The following BBS9 variants were observed in gnomAD, a reference collection of about 807,000 sequenced individuals.
The protein encoded by BBS9 is Bardet-Biedl syndrome 9.
Under a neutral mutation model 117.7 loss-of-function variants are expected in BBS9, and 89 were observed. That is an observed-to-expected ratio of 0.76 (90% confidence interval 0.64 to 0.90). The LOEUF is 0.90. Ranked by LOEUF, BBS9 falls within the 40% of genes least tolerant of loss-of-function variation. The pLI is 0.00. For synonymous variants in BBS9, 379 were observed against 370.9 expected (o/e 1.02, Z -0.25); for missense variants, 982 against 1,042.2 (o/e 0.94, Z 0.80).
At chr7:33,467,023 C>T (rs1037732382) in intron 19 of BBS9, among the ~76,000 whole-genome samples, 2 of 105,446 alleles carry the variant, frequency 1.9e-5, no homozygotes, top group South Asian at 6.5e-4. Flanking sequence ...CTCTCTCTCT[C>T]TCTCTCTCTT....
intron 19 of BBS9, among the ~76,000 whole-genome samples, chr7:33,406,899 G>C (rs1225817431): frequency 6.6e-6 from 1 of 152,152 alleles, no homozygotes; most frequent in African/African-American, 2.4e-5. Context: ...TGGTGAATCT[G>C]ACAATTATGT....
In BBS9 at chr7:33,473,022, T is replaced by G. The variant is rs1050601684; in HGVS notation, c.2116-32441T>G. Among the ~76,000 whole-genome samples the G allele has an allele frequency of 3.3e-5, 5 of 152,300 alleles. 1 individual carries two copies. The highest frequency in any genetic ancestry group is 4.1e-4 in the South Asian group (2 of 4,822). ...TACCTCAGGCCCTAAGTTGACCAGG[T>G]GGGCCCTGGATGGCCCTGCCGAGCT... On this transcript the variant is annotated intron_variant, in intron 19 of 22. Coordinates refer to ENST00000242067, the MANE Select transcript of BBS9 (RefSeq NM_198428.3).
At chr7:33,401,226 A>G (rs1828867064) in intron 19 of BBS9, among the ~76,000 whole-genome samples, 1 of 152,202 alleles carries the variant, frequency 6.6e-6, no homozygotes, top group South Asian at 2.1e-4. Flanking sequence ...CAGAAGCCAT[A>G]TTCTTGGAGA....
chr7:33,203,286 C>T (rs140850724), intron 5 of BBS9, among the ~76,000 whole-genome samples: 131 of 152,274 alleles, frequency 8.6e-4, no homozygotes, highest in African/African-American at 2.8e-3. Context: ...CCAGAATCAC[C>T]TGGGAGGCTT....
At chr7:33,383,457 C>A (rs535914583) in intron 17 of BBS9, among the ~76,000 whole-genome samples, 1 of 152,148 alleles carries the variant, frequency 6.6e-6, no homozygotes, top group Non-Finnish European at 1.5e-5. Flanking sequence ...CTGTGACCAC[C>A]TACCTTTGGA....
intron 19 of BBS9, among the ~76,000 whole-genome samples, chr7:33,456,723 T>C (rs1370351779): frequency 6.6e-6 from 1 of 152,202 alleles, no homozygotes; most frequent in Non-Finnish European, 1.5e-5. Context: ...GCCATGAATG[T>C]TGTAGGATGC....
intron 6 of BBS9, among the ~76,000 whole-genome samples, chr7:33,262,539 T>A (rs953683357): frequency 1.3e-5 from 2 of 152,176 alleles, no homozygotes; most frequent in Admixed American, 6.5e-5. Flanking sequence ...GAGGTCTAAT[T>A]ATTTTGCACT....
intron 20 of BBS9, among the ~76,000 whole-genome samples, chr7:33,524,638 C>T (rs1488592157): frequency 1.3e-5 from 2 of 152,098 alleles, no homozygotes; most frequent in African/African-American, 2.4e-5. Flanking sequence ...ATTCTTCTCT[C>T]TTTTTTTCTT....
intron 4 of BBS9, among the ~76,000 whole-genome samples, chr7:33,169,031 A>G (rs946350015): frequency 0.014 from 2,105 of 151,944 alleles, 52 homozygotes; most frequent in African/African-American, 0.048. Flanking sequence ...TCATTGTTCA[A>G]TTCCCACCTG....
chr7:33,465,165 A>G lies in BBS9; in HGVS notation c.2116-40298A>G, dbSNP rs147997116. On this transcript the variant is annotated intron_variant, in intron 19 of 22. Coordinates refer to ENST00000242067, the MANE Select transcript of BBS9 (RefSeq NM_198428.3). ...TTGTTTTGCAGCATGTAGAGATGGG[A>G]TCTGTGGTAATTCCTGTTAATTTTG... 5.6e-4 allele frequency among the ~76,000 whole-genome samples: 85 copies of G among 151,246 alleles called. 1 individual carries two copies. In the East Asian group the frequency reaches 0.017, roughly 29 times the overall value.
chr7:33,500,283 A>T (rs1845268569), intron 19 of BBS9, among the ~76,000 whole-genome samples: 1 of 152,226 alleles, frequency 6.6e-6, no homozygotes, highest in African/African-American at 2.4e-5. Context: ...AAATATCAAG[A>T]TGAAAATTCA....
chr7:33,258,254 G>A (rs993355586), intron 6 of BBS9, among the ~76,000 whole-genome samples: 1 of 152,136 alleles, frequency 6.6e-6, no homozygotes, highest in African/African-American at 2.4e-5. Context: ...CATCATCATG[G>A]CTTTTCAACA....
At chr7:33,622,292 A>G (rs1291968787) in intron 21 of BBS9, among the ~76,000 whole-genome samples, 1 of 152,206 alleles carries the variant, frequency 6.6e-6, no homozygotes, top group Non-Finnish European at 1.5e-5. Flanking sequence ...TCAGACTCAT[A>G]GAAGCAGAAA....
intron 6 of BBS9, among the ~76,000 whole-genome samples, chr7:33,257,764 T>C (rs573606852): frequency 6.6e-6 from 1 of 152,306 alleles, no homozygotes; most frequent in South Asian, 2.1e-4. Context: ...TCAATAATTA[T>C]TGTGATTGTT....
At chr7:33,632,486 G>A (rs556452311) in intron 21 of BBS9, among the ~76,000 whole-genome samples, 1 of 152,196 alleles carries the variant, frequency 6.6e-6, no homozygotes, top group African/African-American at 2.4e-5. Context: ...CTCCACCGGC[G>A]CCCTCGCCCC....
chr7:33,363,421 A>G (rs1477869704), intron 16 of BBS9, among the ~76,000 whole-genome samples: 1 of 152,170 alleles, frequency 6.6e-6, no homozygotes, highest in African/African-American at 2.4e-5. Context: ...ATTTTCTTAT[A>G]TCAATCTTGT....
intron 21 of BBS9, among the ~76,000 whole-genome samples, chr7:33,542,580 G>A (rs1010998799): frequency 2.0e-5 from 3 of 152,098 alleles, no homozygotes; most frequent in Non-Finnish European, 4.4e-5. Context: ...AACATATGAT[G>A]TTTGGTTTTC....
At chr7:33,278,619 C>G (rs983282056) in intron 9 of BBS9, among the ~76,000 whole-genome samples, 36 of 152,112 alleles carry the variant, frequency 2.4e-4, no homozygotes, top group Non-Finnish European at 4.4e-5. Context: ...TGAAGGCAAA[C>G]AGATTTTTTA....
chr7:33,304,189 C>T (rs1450639316), intron 9 of BBS9, among the ~76,000 whole-genome samples: 2 of 148,192 alleles, frequency 1.3e-5, no homozygotes, highest in Admixed American at 1.3e-4. Context: ...AGCGTTTCTG[C>T]CTGGCTGCCC....
Sources: gnomAD v4.1 joint callset for allele counts (sites outside exome capture counted in the v4.1 genomes callset) on GRCh38, gnomAD v4.1.1 for gene constraint, MANE v1.5 for transcripts, NCBI Gene and HGNC (gene_info 2026-07-23, HGNC 2026-07-21) for gene names.